Variants in FAM168A observed in about 807,000 individuals in gnomAD.
FAM168A encodes the protein protein FAM168A.
A neutral mutation model predicts 28.5 loss-of-function variants in FAM168A; 3 were observed. That is an observed-to-expected ratio of 0.11 (90% CI 0.05 to 0.27). FAM168A has a LOEUF of 0.27. Among genes scored for constraint, FAM168A ranks in the 10% least tolerant of loss-of-function variants. The probability of loss-of-function intolerance (pLI) is 1.00; values close to 1 mark genes in which losing one functional copy is unlikely to be tolerated. For synonymous variants in FAM168A, 122 were observed against 124.2 expected (o/e 0.98, Z 0.12); for missense variants, 222 against 311.5 (o/e 0.71, Z 2.16).
chr11:73,545,237 G>A (rs183110233), intron 1 of FAM168A, among the ~76,000 whole-genome samples: 13 of 150,168 alleles, frequency 8.7e-5, no homozygotes, highest in African/African-American at 2.5e-4. Flanking sequence ...TGTTGGCCAG[G>A]CTGGTCTCTA....
chr11:73,496,118 T>C (rs1258410000), intron 1 of FAM168A, among the ~76,000 whole-genome samples: 3 of 152,076 alleles, frequency 2.0e-5, no homozygotes, highest in Non-Finnish European at 2.9e-5. Context: ...CACACACGCA[T>C]GATGGAATAT....
chr11:73,497,446 C>A (rs1294990062), intron 1 of FAM168A, among the ~76,000 whole-genome samples: 4 of 151,406 alleles, frequency 2.6e-5, no homozygotes, highest in African/African-American at 7.3e-5. Flanking sequence ...TGACTCCATA[C>A]CCCCCCTCAA....
At chr11:73,408,608 G>A (rs1341581431) in intron 6 of FAM168A, among the ~76,000 whole-genome samples, 2 of 151,918 alleles carry the variant, frequency 1.3e-5, no homozygotes, top group East Asian at 3.9e-4. Flanking sequence ...GTGAAACCCT[G>A]CCTCCACAAA....
At chr11:73,576,435 A>G (rs1466047612) in intron 1 of FAM168A, among the ~76,000 whole-genome samples, 1 of 152,206 alleles carries the variant, frequency 6.6e-6, no homozygotes, top group African/African-American at 2.4e-5. Flanking sequence ...CAAACATCCC[A>G]TTGAGGCTAC....
chr11:73,451,762 A>G (rs1590786644), intron 2 of FAM168A, among the ~76,000 whole-genome samples: 1 of 152,250 alleles, frequency 6.6e-6, no homozygotes, highest in South Asian at 2.1e-4. Flanking sequence ...ACGTCTGTGT[A>G]AGTACACTCC....
intron 2 of FAM168A, among the ~76,000 whole-genome samples, chr11:73,443,515 T>A (rs1369581508): frequency 6.6e-6 from 1 of 152,092 alleles, no homozygotes; most frequent in African/African-American, 2.4e-5. Flanking sequence ...TGGTCTGGCT[T>A]CTGGATTGGA....
intron 1 of FAM168A, among the ~76,000 whole-genome samples, chr11:73,486,532 C>T (rs913580186): frequency 1.3e-5 from 2 of 152,160 alleles, no homozygotes; most frequent in African/African-American, 4.8e-5. Flanking sequence ...CATGAAAATG[C>T]TGGTTTTCAA....
At chr11:73,438,414 G>T (rs549481487) in intron 2 of FAM168A, among the ~76,000 whole-genome samples, 1 of 152,254 alleles carries the variant, frequency 6.6e-6, no homozygotes, top group South Asian at 2.1e-4. Flanking sequence ...AAGGTGCGGA[G>T]GGGGCAGGAA....
intron 1 of FAM168A, among the ~76,000 whole-genome samples, chr11:73,508,125 T>G (rs1387770908): frequency 1.3e-5 from 2 of 152,180 alleles, no homozygotes; most frequent in Non-Finnish European, 2.9e-5. Context: ...ATGTAAGAGT[T>G]AAATGAAATA....
intron 1 of FAM168A, among the ~76,000 whole-genome samples, chr11:73,521,881 A>G (rs1943385053): frequency 6.6e-6 from 1 of 152,190 alleles, no homozygotes; most frequent in Non-Finnish European, 1.5e-5. Context: ...ATGAGTGACA[A>G]ATTATTTACA....
intron 3 of FAM168A, among the ~76,000 whole-genome samples, chr11:73,429,998 C>T (rs1028264937): frequency 6.6e-6 from 1 of 152,108 alleles, no homozygotes; most frequent in African/African-American, 2.4e-5. Flanking sequence ...GATTCAAACC[C>T]AGGACTTTCT....
chr11:73,558,468 C>CT (rs1335609362), intron 1 of FAM168A, among the ~76,000 whole-genome samples: 2 of 88,912 alleles, frequency 2.2e-5, no homozygotes, highest in African/African-American at 5.0e-5. Context: ...GACCCTGTCT[C>CT]TAAAAAAAAA....
intron 1 of FAM168A, among the ~76,000 whole-genome samples, chr11:73,482,438 C>G (rs1243190537): frequency 6.6e-6 from 1 of 151,878 alleles, no homozygotes. Flanking sequence ...TCCAGGAAAG[C>G]CCCTCCCCAC....
At chr11:73,597,352 T>C (rs1944448818) in intron 1 of FAM168A, among the ~76,000 whole-genome samples, 1 of 151,958 alleles carries the variant, frequency 6.6e-6, no homozygotes, top group African/African-American at 2.4e-5. Context: ...TCTCAACCCA[T>C]GCCAAGCCCC....
chr11:73,407,256 A>G (rs886875913), intron 7 of FAM168A, among the ~76,000 whole-genome samples: 10 of 152,252 alleles, frequency 6.6e-5, no homozygotes, highest in Non-Finnish European at 1.5e-4. Context: ...CAGAGCAACT[A>G]TAAGGATTAT....
At chr11:73,414,271 G>C (rs754957550) in intron 4 of FAM168A, among the ~76,000 whole-genome samples, 25 of 152,144 alleles carry the variant, frequency 1.6e-4, no homozygotes, top group Non-Finnish European at 1.8e-4. Flanking sequence ...TTTACATATT[G>C]ACTAAGGCTA....
intron 1 of FAM168A, among the ~76,000 whole-genome samples, chr11:73,525,099 C>T (rs1327512333): frequency 2.0e-5 from 3 of 151,806 alleles, no homozygotes; most frequent in African/African-American, 7.3e-5. Context: ...CTCCCCTCTC[C>T]ATTCCCTCTC....
chr11:73,428,626 T>C (rs1038308008), intron 3 of FAM168A, among the ~76,000 whole-genome samples: 2 of 152,258 alleles, frequency 1.3e-5, no homozygotes, highest in Non-Finnish European at 2.9e-5. Flanking sequence ...TTATATATCA[T>C]GATACACATG....
chr11:73,402,407 G>A lies in FAM168A; in HGVS notation c.*4356C>T, dbSNP rs996056580. The stretch of plus-strand genomic sequence containing the variant: ...GAGGAGCCAAAACTTGGTGACCAAG[G>A]GGCCTGTCCTTTTATACTTCATGTG... On this transcript the variant is annotated 3_prime_UTR_variant, in exon 8 of 8. Coordinates refer to ENST00000356467, the MANE Select transcript of FAM168A (RefSeq NM_015159.3). 2.0e-5 allele frequency: 3 copies of A among 152,130 alleles called. No individual in the cohort carries two copies. The highest frequency in any genetic ancestry group is 4.4e-5 in the Non-Finnish European group (3 of 68,050). 9.4% of individuals were successfully genotyped at this position (152,130 alleles called of 1,614,324 possible).
Sources: allele counts gnomAD v4.1 joint callset (sites outside exome capture counted in the v4.1 genomes callset), GRCh38; gene constraint gnomAD v4.1.1; transcripts MANE v1.5; gene names NCBI Gene and HGNC (gene_info 2026-07-23, HGNC 2026-07-21).